GALNTL6: variants seen among roughly 807,000 people sequenced by gnomAD.
The protein encoded by GALNTL6 is polypeptide N-acetylgalactosaminyltransferase-like 6.
A neutral mutation model predicts 73.7 loss-of-function variants in GALNTL6; 46 were observed. That is an observed-to-expected ratio of 0.62 (90% CI 0.49 to 0.80). The LOEUF is 0.80. Among genes scored for constraint, GALNTL6 ranks in the 30% least tolerant of loss-of-function variants. The pLI is 0.00. For missense variants in GALNTL6, 604 were observed against 755.0 expected, an observed-to-expected ratio of 0.80 and a Z score of 2.34; for synonymous variants, 259 against 263.7, an observed-to-expected ratio of 0.98 and a Z score of 0.17.
chr4:172,740,729 G>A (rs1736750010), intron 5 of GALNTL6, among the ~76,000 whole-genome samples: 1 of 152,004 alleles, frequency 6.6e-6, no homozygotes, highest in African/African-American at 2.4e-5. Context: ...TTCTGGTGGT[G>A]ATTTCACTGT....
intron 10 of GALNTL6, among the ~76,000 whole-genome samples, chr4:172,978,371 G>A (rs1023289249): frequency 3.9e-5 from 6 of 152,120 alleles, no homozygotes; most frequent in Admixed American, 1.3e-4. Context: ...TAATGAGGAT[G>A]AGCTGCTTCC....
At chr4:172,624,921 G>A (rs1237842037) in intron 5 of GALNTL6, among the ~76,000 whole-genome samples, 1 of 151,836 alleles carries the variant, frequency 6.6e-6, no homozygotes, top group East Asian at 1.9e-4. Flanking sequence ...CCCAGGTAGT[G>A]AGCATAGTAT....
chr4:172,206,805 G>GTTTGTTTTTTTTTTTT lies in GALNTL6; in HGVS notation c.139-22848_139-22847insGTTTTTTTTTTTTTTT, dbSNP rs1554003003. 3.6e-3 allele frequency among the ~76,000 whole-genome samples: 93 copies of GTTTGTTTTTTTTTTTT among 26,122 alleles called. 2 individuals carry two copies. The highest frequency in any genetic ancestry group is 4.7e-3 in the Admixed American group (7 of 1,490). 17.1% of individuals were successfully genotyped at this position (26,122 alleles called of 152,430 possible). A position where few individuals can be genotyped will look rare whatever the true frequency, so the allele number is the denominator to read the frequency against. On this transcript the variant is annotated intron_variant, in intron 2 of 12. Transcript: ENST00000506823. ...TTGTTTTGTTTTGTTTTGTTTTTCT[G>GTTTGTTTTTTTTTTTT]TTTTTTTTGTTTGTTTTTTTTTTTT...
At chr4:172,097,483 T>C (rs930213142) in intron 2 of GALNTL6, among the ~76,000 whole-genome samples, 11 of 152,156 alleles carry the variant, frequency 7.2e-5, no homozygotes, top group East Asian at 3.9e-4. Context: ...TTGTACTTTA[T>C]TGATAAAATG....
At chr4:172,380,801 A>G (rs1743257323) in intron 5 of GALNTL6, among the ~76,000 whole-genome samples, 1 of 152,240 alleles carries the variant, frequency 6.6e-6, no homozygotes, top group South Asian at 2.1e-4. Context: ...CATTTAGAAC[A>G]TCTTATCCTT....
At chr4:172,347,195 G>A (rs1008694241) in intron 4 of GALNTL6, among the ~76,000 whole-genome samples, 2 of 151,744 alleles carry the variant, frequency 1.3e-5, no homozygotes, top group African/African-American at 4.8e-5. Flanking sequence ...TTGCTATGTT[G>A]CCCAGGCTGA....
intron 5 of GALNTL6, among the ~76,000 whole-genome samples, chr4:172,387,127 A>G (rs955816099): frequency 6.6e-6 from 1 of 152,142 alleles, no homozygotes; most frequent in African/African-American, 2.4e-5. Flanking sequence ...ATTACCTCCC[A>G]AAGGGCCCAC....
At chr4:172,305,347 T>A (rs1211366313) in intron 3 of GALNTL6, among the ~76,000 whole-genome samples, 2 of 152,080 alleles carry the variant, frequency 1.3e-5, no homozygotes, top group Non-Finnish European at 2.9e-5. Context: ...TACTTATATA[T>A]TTAAATATAA....
intron 2 of GALNTL6, among the ~76,000 whole-genome samples, chr4:172,092,537 T>C (rs551940892): frequency 3.1e-4 from 47 of 152,206 alleles, no homozygotes; most frequent in African/African-American, 1.1e-3. Flanking sequence ...TTGGGAAGAC[T>C]CTCAAAACTG....
intron 8 of GALNTL6, among the ~76,000 whole-genome samples, chr4:172,904,921 T>C (rs1052769489): frequency 1.3e-5 from 2 of 152,142 alleles, no homozygotes; most frequent in African/African-American, 4.8e-5. Flanking sequence ...CAAATGCACA[T>C]ATATAATTTA....
At chr4:171,836,360 C>T (rs28687566) in intron 2 of GALNTL6, among the ~76,000 whole-genome samples, 2 of 151,764 alleles carry the variant, frequency 1.3e-5, no homozygotes, top group African/African-American at 2.4e-5. Context: ...CAACAATGAC[C>T]GTTAAACAGT....
At chr4:172,175,976 C>T (rs1210915200) in intron 2 of GALNTL6, among the ~76,000 whole-genome samples, 2 of 152,172 alleles carry the variant, frequency 1.3e-5, no homozygotes, top group Middle Eastern at 6.8e-3. Flanking sequence ...GATGGATTGA[C>T]TTTTAAAAAT....
intron 5 of GALNTL6, among the ~76,000 whole-genome samples, chr4:172,422,458 G>A (rs1346818243): frequency 1.3e-5 from 2 of 151,954 alleles, no homozygotes; most frequent in African/African-American, 2.4e-5. Flanking sequence ...CCGTCCTGAT[G>A]TTCCTCCTTC....
rs201015957 is a variant in GALNTL6 at position 171,862,909 on chromosome 4, A to T, written c.138+48191A>T. Among the ~76,000 whole-genome samples, 9 of 152,314 alleles carry T rather than the reference A, an allele frequency of 5.9e-5. No individual in the cohort carries two copies. In the East Asian group the frequency reaches 1.7e-3, roughly 29 times the overall value. On this transcript the variant is annotated intron_variant, in intron 2 of 12. Transcript: ENST00000506823. Reference sequence around the variant, plus strand: ...TTTTGAATTAGAATGTATTGATTATAAGTGAATACTTCAAAGTGATTGATA... The same window carrying T: ...TTTTGAATTAGAATGTATTGATTATTAGTGAATACTTCAAAGTGATTGATA...
At chr4:172,544,138 G>T (rs1233042779) in intron 5 of GALNTL6, among the ~76,000 whole-genome samples, 3 of 152,128 alleles carry the variant, frequency 2.0e-5, no homozygotes, top group Admixed American at 6.5e-5. Flanking sequence ...GTGCCACTTG[G>T]CTCACAGGAC....
rs749070226 is a variant in GALNTL6, at chr4:172,306,627, C to A, written c.248-4987C>A. On this transcript the variant is annotated intron_variant, in intron 3 of 12. Coordinates refer to ENST00000506823, the MANE Select transcript of GALNTL6 (RefSeq NM_001034845.3). ...TCACCCTTTACCCTGGTAGCTTTAC[C>A]CCTGAGTGCCCAGAGTCCATAATAT... Among the ~76,000 whole-genome samples, 10 of 152,266 alleles carry A rather than the reference C, an allele frequency of 6.6e-5. No homozygotes were observed. The South Asian group carries it at 8.3e-4, about 13-fold the overall frequency.
At chr4:173,022,533 A>T (rs924253675) in intron 12 of GALNTL6, among the ~76,000 whole-genome samples, 1 of 152,310 alleles carries the variant, frequency 6.6e-6, no homozygotes, top group Middle Eastern at 3.4e-3. Context: ...TGTGGCATCC[A>T]TTCATTTTTT....
At chr4:172,578,491 AAT>A (rs1737046931) in intron 5 of GALNTL6, among the ~76,000 whole-genome samples, 1 of 152,338 alleles carries the variant, frequency 6.6e-6, no homozygotes, top group Admixed American at 6.5e-5. Flanking sequence ...AACTGAAAAA[AAT>A]ATGTTTCCAA....
At chr4:172,876,690 A>T (rs1397610708) in intron 7 of GALNTL6, among the ~76,000 whole-genome samples, 2 of 152,102 alleles carry the variant, frequency 1.3e-5, no homozygotes, top group Non-Finnish European at 2.9e-5. Flanking sequence ...AACAAATTAT[A>T]AAAAATGGTA....
Sources: gnomAD v4.1 joint callset for allele counts (sites outside exome capture counted in the v4.1 genomes callset) on GRCh38, gnomAD v4.1.1 for gene constraint, MANE v1.5 for transcripts, NCBI Gene and HGNC (gene_info 2026-07-23, HGNC 2026-07-21) for gene names.